MCRIP1: variants seen among roughly 807,000 people sequenced by gnomAD.
MCRIP1 encodes MAPK regulated corepressor interacting protein 1.
MCRIP1 carries 10 observed loss-of-function variants against 14.4 expected under a neutral mutation model. The observed-to-expected ratio is 0.70, with a 90% CI of 0.43 to 1.18. The LOEUF is 1.18. Among genes scored for constraint, MCRIP1 ranks in the 50% most tolerant of loss-of-function variants. The probability of loss-of-function intolerance (pLI) is 0.00; values close to 1 mark genes in which losing one functional copy is unlikely to be tolerated. For synonymous variants in MCRIP1, 53 were observed against 55.7 expected (o/e 0.95, Z 0.21); for missense variants, 119 against 135.4 (o/e 0.88, Z 0.60).
chr17:81,827,023 CAGG>C (rs2038418339), intron 1 of MCRIP1, among the ~76,000 whole-genome samples: 2 of 148,746 alleles, frequency 1.3e-5, no homozygotes, highest in Admixed American at 6.7e-5. Flanking sequence ...GAGGCTGAGG[CAGG>C]AGAAGTGCTT....
Position 81,822,865 on chromosome 17 carries a change from A to C in MCRIP1, c.*382T>G. ...AGGACAAAACCAGCCCAGTCCCAGC[A>C]GCCTGGGAGGCAGCAGAGGCTCCTT... On this transcript the variant is annotated 3_prime_UTR_variant, in exon 5 of 5. Coordinates refer to ENST00000455127, the MANE Select transcript of MCRIP1 (RefSeq NM_207368.5). 1 of 379,046 alleles carries C rather than the reference A, an allele frequency of 2.6e-6. No homozygotes were observed. The highest frequency in any genetic ancestry group is 4.9e-6 in the Non-Finnish European group (1 of 203,530). 23.5% of individuals were successfully genotyped at this position (379,046 alleles called of 1,614,324 possible). A position where few individuals can be genotyped will look rare whatever the true frequency, so the allele number is the denominator to read the frequency against.
intron 1 of MCRIP1, chr17:81,825,942 G>A (rs577214858): frequency 2.3e-6 from 3 of 1,302,778 alleles, no homozygotes; most frequent in East Asian, 5.2e-5. Flanking sequence ...GAAAGGCAGA[G>A]CTCAGGTAAC....
chr17:81,825,079 T>G (rs772264640), intron 1 of MCRIP1: 20 of 1,011,208 alleles, frequency 2.0e-5, no homozygotes, highest in Non-Finnish European at 2.1e-5. Flanking sequence ...TGATCCCAGC[T>G]CCCCGGCACC....
At chr17:81,832,463 A>G (rs2038539091) in intron 1 of MCRIP1, among the ~76,000 whole-genome samples, 1 of 151,790 alleles carries the variant, frequency 6.6e-6, no homozygotes, top group Non-Finnish European at 1.5e-5. Flanking sequence ...TTCACGTCCC[A>G]CTTCCCACCC....
At chr17:81,830,449 C>T (rs1164446860) in intron 1 of MCRIP1, among the ~76,000 whole-genome samples, 1 of 151,514 alleles carries the variant, frequency 6.6e-6, no homozygotes, top group African/African-American at 2.4e-5. Context: ...CCAGCCTGGC[C>T]AGCATGGTGA....
At chr17:81,831,888 A>C (rs536381837) in intron 1 of MCRIP1, among the ~76,000 whole-genome samples, 1 of 152,106 alleles carries the variant, frequency 6.6e-6, no homozygotes, top group Admixed American at 6.6e-5. Context: ...CTCCCTCCAG[A>C]TAGGGAGGGG....
chr17:81,826,674 T>C (rs573118328), intron 1 of MCRIP1: 92 of 386,746 alleles, frequency 2.4e-4, no homozygotes, highest in East Asian at 7.9e-4. Context: ...ACAAAATTAG[T>C]TGGGCGTGGT....
intron 1 of MCRIP1, chr17:81,826,025 C>T (rs936860188): frequency 2.9e-6 from 4 of 1,397,836 alleles, no homozygotes; most frequent in Non-Finnish European, 3.8e-6. Context: ...TTTAGGGGTA[C>T]CTGCCTCCCA....
intron 1 of MCRIP1, chr17:81,826,228 C>T (rs1046688842): frequency 3.0e-6 from 4 of 1,333,986 alleles, no homozygotes; most frequent in Non-Finnish European, 4.0e-6. Context: ...CTTGTGTGCA[C>T]ACACACACAC....
chr17:81,827,776 ATTTTTT>A (rs757592037), intron 1 of MCRIP1, among the ~76,000 whole-genome samples: 3 of 110,772 alleles, frequency 2.7e-5, no homozygotes, highest in African/African-American at 3.8e-5. Context: ...GCACCCATAC[ATTTTTT>A]TTTTTTTTTT....
At chr17:81,833,100 T>G (rs1022124100) in intron 1 of MCRIP1, 138 bp downstream of exon 1, 1 of 147,780 alleles carries the variant, frequency 6.8e-6, no homozygotes, top group Non-Finnish European at 1.5e-5. Context: ...GGACCCCGGC[T>G]GCCCGGCCAC....
At chr17:81,824,669 G>A (rs1235868573) in intron 1 of MCRIP1, 115 bp from the exon 2 acceptor site, 1 of 1,495,382 alleles carries the variant, frequency 6.7e-7, no homozygotes, top group Non-Finnish European at 8.9e-7. Flanking sequence ...AAAGTGCATG[G>A]TCCCTCTGCC....
In MCRIP1 at chr17:81,824,305, C is replaced by T. The variant is rs1309826303; in HGVS notation, c.109G>A (p.Val37Ile). The change falls in exon 3 of 5, where the codon GTC becomes ATC. Residue 37 changes from valine (V) to isoleucine (I), a missense_variant. Val to Ile is a conservative substitution (Grantham distance 29, BLOSUM62 3). Coordinates refer to ENST00000455127, the MANE Select transcript of MCRIP1 (RefSeq NM_207368.5). ...EIFTPAHEENVRFIYEAWQGV... is the reference protein window; with the variant it reads ...EIFTPAHEENIRFIYEAWQGV... Reference sequence around the variant, plus strand: ...CACCCACCTTCGTAAATGAAGCGGACGTTCTCCTCGTGGGCTGGGGTGAAG... The same window carrying T: ...CACCCACCTTCGTAAATGAAGCGGATGTTCTCCTCGTGGGCTGGGGTGAAG... 3.3e-6 allele frequency: 5 copies of T among 1,536,130 alleles called. No homozygotes were observed. The highest frequency in any genetic ancestry group is 2.4e-5 in the East Asian group (1 of 40,914).
intron 1 of MCRIP1, chr17:81,826,216 G>A: frequency 1.3e-6 from 2 of 1,521,894 alleles, no homozygotes; most frequent in East Asian, 2.5e-5. Flanking sequence ...GGCTCCCTTT[G>A]CCTTGTGTGC....
chr17:81,824,590 G>A, intron 1 of MCRIP1, 36 bp from the exon 2 acceptor site: 1 of 1,535,706 alleles, frequency 6.5e-7, no homozygotes, highest in Non-Finnish European at 8.7e-7. Context: ...GGGACGCAGG[G>A]CCACCCTCTC....
In MCRIP1 at chr17:81,823,632, C is replaced by T. The variant is rs1022721993; in HGVS notation, c.128-119G>A. 1.1e-5 allele frequency: 9 copies of T among 812,366 alleles called. No individual in the cohort carries two copies. In the African/African-American group the frequency reaches 1.4e-4, roughly 12 times the overall value. 50.3% of individuals were successfully genotyped at this position (812,366 alleles called of 1,614,324 possible). A position where few individuals can be genotyped will look rare whatever the true frequency, so the allele number is the denominator to read the frequency against. On this transcript the variant is annotated intron_variant, in intron 3 of 4. Coordinates refer to ENST00000455127, the MANE Select transcript of MCRIP1 (RefSeq NM_207368.5). The surrounding 1 kb of genome is among the most constrained non-coding windows in gnomAD (Gnocchi z 6.0). ...AGATCCTCTTCTCCCTCAGAAGTGT[C>T]CTCCATGCTCCCCCACAGCCCTCTG...
At chr17:81,827,294 T>C (rs1012834373) in intron 1 of MCRIP1, among the ~76,000 whole-genome samples, 16 of 151,208 alleles carry the variant, frequency 1.1e-4, no homozygotes, top group Non-Finnish European at 1.8e-4. Context: ...TTATTTGAGA[T>C]GGAGTCTCGC....
At chr17:81,826,977 ATG>A (rs2038416901) in intron 1 of MCRIP1, among the ~76,000 whole-genome samples, 1 of 148,844 alleles carries the variant, frequency 6.7e-6, no homozygotes, top group South Asian at 2.2e-4. Context: ...AATTAGCTGG[ATG>A]TGGTGGTGGG....
In MCRIP1 at chr17:81,823,418, G is replaced by A; in HGVS notation, c.223C>T (p.Leu75=). The change falls in exon 4 of 5, where the codon CTG becomes TTG. Residue 75 remains leucine, a synonymous_variant. Transcript: ENST00000455127. The surrounding 1 kb of genome is among the most constrained non-coding windows in gnomAD (Gnocchi z 6.0). Reference sequence around the variant, plus strand: ...CAGGTCAGCCCCCACTCACTCTTCAGGCTGGGGTTAGGGACCTTCTCCACA... The same window carrying A: ...CAGGTCAGCCCCCACTCACTCTTCAAGCTGGGGTTAGGGACCTTCTCCACA... ...EYVEKVPNPS[L]KTFKPIDLSD... is the part of the protein sequence containing the mutation. 6.5e-7 allele frequency: 1 copy of A among 1,536,800 alleles called. No individual in the cohort carries two copies. The highest frequency in any genetic ancestry group is 8.7e-7 in the Non-Finnish European group (1 of 1,146,742).
Sources: allele counts gnomAD v4.1 joint callset (sites outside exome capture counted in the v4.1 genomes callset), GRCh38; gene constraint gnomAD v4.1.1; non-coding constraint Gnocchi (gnomAD v3.1); transcripts MANE v1.5; gene names NCBI Gene and HGNC (gene_info 2026-07-23, HGNC 2026-07-21).